Variants in SQSTM1 observed in about 807,000 individuals in gnomAD.
SQSTM1 encodes sequestosome-1.
SQSTM1 carries 36 observed loss-of-function variants against 45.1 expected under a neutral mutation model. The ratio of observed to expected loss-of-function variants is 0.80; its 90% CI spans 0.61 to 1.05. The LOEUF is 1.05. SQSTM1 is among the 50% of genes least tolerant of loss of function. SQSTM1 has a pLI of 0.00. For synonymous variants in SQSTM1, 290 were observed against 244.3 expected, an observed-to-expected ratio of 1.19 and a Z score of -1.74; for missense variants, 617 against 607.1, an observed-to-expected ratio of 1.02 and a Z score of -0.17.
intron 1 of SQSTM1, among the ~76,000 whole-genome samples, chr5:179,808,806 A>AT (rs1385105329): frequency 2.0e-5 from 3 of 151,576 alleles, no homozygotes; most frequent in East Asian, 1.9e-4. Flanking sequence ...TTTAAAACAA[A>AT]TTTTTTTGGA....
rs778537429 is a variant in SQSTM1, at chr5:179,824,207, G to A, written c.557G>A (p.Arg186Gln). The change falls in exon 4 of 8, where the codon CGG (arginine) becomes CAG (glutamine). Residue 186 changes from arginine (R) to glutamine (Q), a missense_variant. Transcript: ENST00000389805. ...GGCTTCTCGCACAGCCGCTGGCTCCGGAAGGTGAAACACGGACACTTCGGG... is the reference window on the plus strand; with the variant it reads ...GGCTTCTCGCACAGCCGCTGGCTCCAGAAGGTGAAACACGGACACTTCGGG... ...SEGFSHSRWL[R>Q]KVKHGHFGWP... 1.4e-5 allele frequency: 22 copies of A among 1,613,872 alleles called. No individual in the cohort carries two copies. The highest frequency in any genetic ancestry group is 3.3e-5 in the Admixed American group (2 of 60,026).
At position 179,837,537 on chromosome 5, in the gene SQSTM1, A is replaced by G. The variant is rs1476185520; in HGVS notation, c.*944A>G. ...GAGGTCTTCCCGCAAGGCCTCTCAG[A>G]CCCAGATGTGACGGGGTGTGTGGCC... On this transcript the variant is annotated 3_prime_UTR_variant, in exon 8 of 8. Coordinates refer to ENST00000389805, the MANE Select transcript of SQSTM1 (RefSeq NM_003900.5). 6.2e-7 allele frequency: 1 copy of G among 1,614,086 alleles called. No individual in the cohort carries two copies. The highest frequency in any genetic ancestry group is 1.3e-5 in the African/African-American group (1 of 74,928).
upstream of SQSTM1, among the ~76,000 whole-genome samples, chr5:179,815,699 G>A (rs1381139179): frequency 6.6e-6 from 1 of 152,152 alleles, no homozygotes; most frequent in Non-Finnish European, 1.5e-5. Context: ...CAGTGCTCTG[G>A]TTGGCCAAGC....
rs757369621 is a variant in SQSTM1 at position 179,806,486 on chromosome 5, C to A, written c.-262C>A. On this transcript the variant is annotated 5_prime_UTR_variant, in exon 1 of 6. Transcript: ENST00000514093. The surrounding 1 kb of genome is among the most constrained non-coding windows in gnomAD (Gnocchi z 4.6). Reference sequence around the variant, plus strand: ...GCGGGCCGGGCGGGGGTCGCGCTCACCTTTCTGGCCGCTGAGTGCCGCGTA... The same window carrying A: ...GCGGGCCGGGCGGGGGTCGCGCTCAACTTTCTGGCCGCTGAGTGCCGCGTA... 1.5e-6 allele frequency: 2 copies of A among 1,302,502 alleles called. No homozygotes were observed. Among genetic ancestry groups the A allele is most frequent in the Non-Finnish European group, 2.0e-6 (2 of 999,414 alleles). 80.7% of individuals were successfully genotyped at this position (1,302,502 alleles called of 1,614,324 possible). A position where few individuals can be genotyped will look rare whatever the true frequency, so the allele number is the denominator to read the frequency against.
rs113214299 is a variant in SQSTM1 at position 179,808,864 on chromosome 5, A to ATT, written c.-157+2283_-157+2284dup. Among the ~76,000 whole-genome samples the ATT allele has an allele frequency of 3.1e-3, 450 of 146,138 alleles. 3 individuals are homozygous for ATT. Among genetic ancestry groups the ATT allele is most frequent in the Middle Eastern group, 6.9e-3 (2 of 288 alleles). ...TATTTATTTATTTTTAGTTTATCTT[A>ATT]TTTTTTTTTTTGAGACGGAGTCTTG... On this transcript the variant is annotated intron_variant, in intron 1 of 5. Coordinates refer to the SQSTM1 transcript ENST00000514093.
chr5:179,834,639 C>T (rs1758426915), intron 7 of SQSTM1, among the ~76,000 whole-genome samples: 1 of 151,978 alleles, frequency 6.6e-6, no homozygotes, highest in African/African-American at 2.4e-5. Context: ...TGCCTTCAAG[C>T]ATCTGTTTAA....
At position 179,809,325 on chromosome 5, in the gene SQSTM1, ATTTTTTTTTTTTTTT is replaced by A. The variant is rs71001049; in HGVS notation, c.-156-2234_-156-2220del. Reference sequence around the variant, plus strand: ...AGGCGCCCGCCACCACGCCTGGCTAATTTTTTTTTTTTTTTTTTTTTTTTTTTTTGAGACAGAGTC... The same window carrying A: ...AGGCGCCCGCCACCACGCCTGGCTAATTTTTTTTTTTTTTGAGACAGAGTC... On this transcript the variant is annotated intron_variant, in intron 1 of 5. Coordinates refer to the SQSTM1 transcript ENST00000514093. Among the ~76,000 whole-genome samples the A allele has an allele frequency of 3.4e-4, 14 of 41,076 alleles. No individual in the cohort carries two copies. The East Asian group carries it at 9.2e-3, about 27-fold the overall frequency. 26.9% of individuals were successfully genotyped at this position (41,076 alleles called of 152,430 possible). A position where few individuals can be genotyped will look rare whatever the true frequency, so the allele number is the denominator to read the frequency against.
intron 5 of SQSTM1, among the ~76,000 whole-genome samples, chr5:179,825,895 T>C (rs1424933189): frequency 1.3e-5 from 2 of 152,116 alleles, no homozygotes; most frequent in East Asian, 1.9e-4. Context: ...GGGTTAGGCA[T>C]GCGGCAGTGA....
rs866832054 is a variant in SQSTM1, at chr5:179,820,971, G to A, written c.35G>A (p.Gly12Asp). The A allele has an allele frequency of 6.3e-7, 1 of 1,575,784 alleles. No homozygotes were observed. The highest frequency in any genetic ancestry group is 8.5e-7 in the Non-Finnish European group (1 of 1,169,712). Reference protein sequence around the residue: ...ASLTVKAYLLGKEDAAREIRR... With the variant: ...ASLTVKAYLLDKEDAAREIRR... Reference sequence around the variant, plus strand: ...CTCACCGTGAAGGCCTACCTTCTGGGCAAGGAGGACGCGGCGCGCGAGATT... The same window carrying A: ...CTCACCGTGAAGGCCTACCTTCTGGACAAGGAGGACGCGGCGCGCGAGATT... Residue 12 changes from glycine (G) to aspartate (D), a missense_variant, in exon 1 of 8, where the codon GGC (glycine) becomes GAC (aspartate). Physicochemically the swap from Gly to Asp is moderately conservative, Grantham distance 94 (BLOSUM62 -1). Transcript: ENST00000389805.
intron 1 of SQSTM1, among the ~76,000 whole-genome samples, chr5:179,821,869 AG>A (rs1425228632): frequency 6.6e-6 from 1 of 152,054 alleles, no homozygotes; most frequent in Non-Finnish European, 1.5e-5. Flanking sequence ...GAGGTGGCCA[AG>A]GCCGGCCCCT....
In SQSTM1 at chr5:179,837,042, G is replaced by C. The variant is rs1758600774; in HGVS notation, c.*449G>C. The stretch of plus-strand genomic sequence containing the variant: ...CTAGGTGTTGTCAGCAGGCAGGCTG[G>C]GGAGGCCAGTGTTGTGGGCTTCCTG... On this transcript the variant is annotated 3_prime_UTR_variant, in exon 8 of 8. Transcript: ENST00000389805. 1.5e-6 allele frequency: 1 copy of C among 651,638 alleles called. No homozygotes were observed. Among genetic ancestry groups the C allele is most frequent in the Admixed American group, 2.6e-5 (1 of 37,768 alleles). 40.4% of individuals were successfully genotyped at this position (651,638 alleles called of 1,614,324 possible). A position where few individuals can be genotyped will look rare whatever the true frequency, so the allele number is the denominator to read the frequency against.
chr5:179,828,319 CTTTCAACT>C (rs912806663), intron 5 of SQSTM1, among the ~76,000 whole-genome samples: 1 of 145,094 alleles, frequency 6.9e-6, no homozygotes, highest in African/African-American at 2.6e-5. Flanking sequence ...TTGTACTATT[CTTTCAACT>C]TTTCAACTTT....
chr5:179,837,553 G>T lies in SQSTM1; in HGVS notation c.*960G>T, dbSNP rs144080871. 1 of 1,614,242 alleles carries T rather than the reference G, an allele frequency of 6.2e-7. No homozygotes were observed. On this transcript the variant is annotated 3_prime_UTR_variant, in exon 8 of 8. Transcript: ENST00000389805. ...GCCTCTCAGACCCAGATGTGACGGG[G>T]TGTGTGGCCCGAGGAAGCTGGACAG...
chr5:179,817,672 C>T (rs72807345), upstream of SQSTM1, among the ~76,000 whole-genome samples: 3,077 of 152,270 alleles, frequency 0.02, 48 homozygotes, highest in African/African-American at 0.035. Context: ...CCATGGCCCC[C>T]GTGCCTCTTG....
chr5:179,806,487 C>A lies in SQSTM1; in HGVS notation c.-261C>A. ...CGGGCCGGGCGGGGGTCGCGCTCAC[C>A]TTTCTGGCCGCTGAGTGCCGCGTAC... On this transcript the variant is annotated 5_prime_UTR_variant, in exon 1 of 6. Coordinates refer to the SQSTM1 transcript ENST00000514093. This position sits in a 1 kb window ranked among gnomAD's most constrained non-coding sequence, Gnocchi z 4.6. 2 of 1,303,156 alleles carry A rather than the reference C, an allele frequency of 1.5e-6. No individual in the cohort carries two copies. Among genetic ancestry groups the A allele is most frequent in the Non-Finnish European group, 2.0e-6 (2 of 999,880 alleles). The allele number at this position is 1,303,156 out of a possible 1,614,324, so 80.7% of individuals were successfully genotyped here. A position where few individuals can be genotyped will look rare whatever the true frequency, so the allele number is the denominator to read the frequency against.
chr5:179,825,969 C>T (rs1460690740), intron 5 of SQSTM1, among the ~76,000 whole-genome samples: 2 of 152,112 alleles, frequency 1.3e-5, no homozygotes, highest in South Asian at 2.1e-4. Context: ...GCAGATGGAT[C>T]GCTGGGACAC....
chr5:179,820,802 C>A (rs899349561), upstream of SQSTM1: 3 of 855,220 alleles, frequency 3.5e-6, no homozygotes, highest in Non-Finnish European at 5.0e-6. Context: ...CGCGCCGCGA[C>A]GACGGTGGCG....
At chr5:179,826,789 C>A (rs1215853302) in intron 5 of SQSTM1, among the ~76,000 whole-genome samples, 1 of 151,646 alleles carries the variant, frequency 6.6e-6, no homozygotes, top group Middle Eastern at 3.2e-3. Context: ...TTAGTAGAGA[C>A]GGGGTTTCAC....
intron 5 of SQSTM1, among the ~76,000 whole-genome samples, chr5:179,830,393 G>A (rs73334031): frequency 0.011 from 1,660 of 152,068 alleles, 38 homozygotes; most frequent in African/African-American, 0.038. Context: ...AAGGCTTTTC[G>A]GCCTAGAATT....
Sources: allele counts gnomAD v4.1 joint callset (sites outside exome capture counted in the v4.1 genomes callset), GRCh38; gene constraint gnomAD v4.1.1; non-coding constraint Gnocchi (gnomAD v3.1); transcripts MANE v1.5; gene names NCBI Gene and HGNC (gene_info 2026-07-23, HGNC 2026-07-21).